ANO2: variants seen among roughly 807,000 people sequenced by gnomAD.
ANO2 encodes the protein anoctamin 2, also known as anoctamin-2.
Under a neutral mutation model 124.2 loss-of-function variants are expected in ANO2, and 101 were observed. The ratio of observed to expected loss-of-function variants is 0.81; its 90% CI spans 0.69 to 0.96. The LOEUF (loss-of-function observed/expected upper bound fraction) is 0.96, where lower values mean the gene tolerates loss of function less well. Ranked by LOEUF, ANO2 falls within the 40% of genes least tolerant of loss-of-function variation. The probability of loss-of-function intolerance (pLI) is 0.00; values close to 1 mark genes in which losing one functional copy is unlikely to be tolerated. For missense variants in ANO2, 1,293 were observed against 1,274.5 expected (o/e 1.01, Z -0.22); for synonymous variants, 486 against 482.5 (o/e 1.01, Z -0.09).
At chr12:5,883,503 GT>G (rs1938656664) in intron 3 of ANO2, among the ~76,000 whole-genome samples, 3 of 8,026 alleles carry the variant, frequency 3.7e-4, no homozygotes, top group East Asian at 2.0e-3. Flanking sequence ...CATTAGGGTG[GT>G]GTGTGTGTGT....
chr12:5,683,593 C>G (rs1948588775), intron 14 of ANO2, among the ~76,000 whole-genome samples: 1 of 152,116 alleles, frequency 6.6e-6, no homozygotes, highest in African/African-American at 2.4e-5. Context: ...CAGTCTCATG[C>G]CACATCACAT....
chr12:5,850,286 C>G (rs899621874), intron 4 of ANO2, among the ~76,000 whole-genome samples: 1 of 151,748 alleles, frequency 6.6e-6, no homozygotes, highest in South Asian at 2.1e-4. Flanking sequence ...CGTGGTGGCG[C>G]GTACTTATAG....
chr12:5,761,333 C>G (rs1222375450), intron 10 of ANO2, among the ~76,000 whole-genome samples: 1 of 152,252 alleles, frequency 6.6e-6, no homozygotes, highest in Non-Finnish European at 1.5e-5. Flanking sequence ...ATATCAACTG[C>G]TATAAAAAGT....
At chr12:5,817,138 A>T (rs531080082) in intron 7 of ANO2, among the ~76,000 whole-genome samples, 1 of 152,346 alleles carries the variant, frequency 6.6e-6, no homozygotes, top group East Asian at 1.9e-4. Flanking sequence ...GCCTTCCAAC[A>T]ACCTGGGGAT....
intron 20 of ANO2, among the ~76,000 whole-genome samples, chr12:5,596,626 C>G (rs1943673503): frequency 1.3e-5 from 2 of 152,092 alleles, no homozygotes; most frequent in Admixed American, 6.6e-5. Flanking sequence ...CCAAGTAAAT[C>G]TTCTAGTTCT....
intron 3 of ANO2, among the ~76,000 whole-genome samples, chr12:5,902,096 TAG>T (rs1354490577): frequency 2.0e-5 from 3 of 152,192 alleles, no homozygotes. Context: ...CAGAGATGTA[TAG>T]AGAGGAAATA....
chr12:5,630,540 T>G (rs946055052), intron 16 of ANO2, among the ~76,000 whole-genome samples: 1 of 152,224 alleles, frequency 6.6e-6, no homozygotes, highest in South Asian at 2.1e-4. Context: ...TAAGATCACA[T>G]CCTTCTGTAG....
chr12:5,810,890 C>A (rs1451611722), intron 7 of ANO2, among the ~76,000 whole-genome samples: 1 of 152,214 alleles, frequency 6.6e-6, no homozygotes, highest in East Asian at 1.9e-4. Context: ...AGGGGCAGGG[C>A]CAAGAAACAT....
intron 10 of ANO2, among the ~76,000 whole-genome samples, chr12:5,790,838 G>C (rs1952675521): frequency 6.6e-6 from 1 of 152,136 alleles, no homozygotes; most frequent in Admixed American, 6.5e-5. Flanking sequence ...AGCAGATCCT[G>C]ATGCAGGGAC....
rs559880167 is a variant in ANO2 at position 5,568,469 on chromosome 12, C to T, written c.2622-2806G>A. Among the ~76,000 whole-genome samples, 16 of 152,264 alleles carry T rather than the reference C, an allele frequency of 1.1e-4. No individual in the cohort carries two copies. The East Asian group carries it at 2.9e-3, about 28-fold the overall frequency. On this transcript the variant is annotated intron_variant, in intron 23 of 24. Coordinates refer to ENST00000682330, the MANE Select transcript of ANO2 (RefSeq NM_001364791.2). ...TTCATAATTCACTAATGAACCATGA[C>T]TCATAGTTTGAAAAACCTTGATTCT...
At chr12:5,821,402 C>T (rs1019354447) in intron 7 of ANO2, among the ~76,000 whole-genome samples, 1 of 152,164 alleles carries the variant, frequency 6.6e-6, no homozygotes, top group African/African-American at 2.4e-5. Context: ...TACTCCGGCC[C>T]GTTTATCAAG....
intron 13 of ANO2, among the ~76,000 whole-genome samples, chr12:5,735,189 G>T (rs1296484261): frequency 6.6e-6 from 1 of 152,140 alleles, no homozygotes; most frequent in African/African-American, 2.4e-5. Context: ...GCCACGGGCA[G>T]ATCAGCCTGA....
rs78194882 is a variant in ANO2, at chr12:5,636,555, A to G, written c.1621-1208T>C. 0.015 allele frequency among the ~76,000 whole-genome samples: 2,205 copies of G among 151,594 alleles called. 48 individuals carry two copies. The highest frequency in any genetic ancestry group is 0.05 in the African/African-American group (2,046 of 41,326). On this transcript the variant is annotated intron_variant, in intron 15 of 24. Transcript: ENST00000682330. This position sits in a 1 kb window ranked among gnomAD's most constrained non-coding sequence, Gnocchi z 4.6. ...GAAGGACTAAATAGAAAACGTAGGG[A>G]GAGAAAACAGCAGGTGGAAGGCTCC...
rs188322748 is a variant in ANO2, at chr12:5,733,717, C to T, written c.1435-1087G>A. 8.6e-4 allele frequency among the ~76,000 whole-genome samples: 131 copies of T among 152,294 alleles called. 2 individuals carry two copies. Among genetic ancestry groups the T allele is most frequent in the Admixed American group, 8.2e-3 (125 of 15,284 alleles). On this transcript the variant is annotated intron_variant, in intron 13 of 24. Coordinates refer to ENST00000682330, the MANE Select transcript of ANO2 (RefSeq NM_001364791.2). ...CAAGCATAACTAAAACAACTGCAGG[C>T]GGTGCCATTCTATCCTCACCCATTC... is the stretch of plus-strand genomic sequence containing the variant.
chr12:5,799,375 A>G lies in ANO2; in HGVS notation c.1055+132T>C, dbSNP rs1205761368. Reference sequence around the variant, plus strand: ...CTTCCCCACCCATGAGACACAGAGGAGTGGATCATAGAAGCTAGAAAAGAA... The same window carrying G: ...CTTCCCCACCCATGAGACACAGAGGGGTGGATCATAGAAGCTAGAAAAGAA... On this transcript the variant is annotated intron_variant, in intron 10 of 24. Coordinates refer to ENST00000682330, the MANE Select transcript of ANO2 (RefSeq NM_001364791.2). The G allele has an allele frequency of 5.0e-5, 39 of 774,464 alleles. No individual in the cohort carries two copies. The East Asian group carries it at 9.7e-4, about 19-fold the overall frequency. The allele number at this position is 774,464 out of a possible 1,614,324, so 48.0% of individuals were successfully genotyped here. A position where few individuals can be genotyped will look rare whatever the true frequency, so the allele number is the denominator to read the frequency against.
chr12:5,873,241 CTCTCTG>C (rs1200578171), intron 3 of ANO2, among the ~76,000 whole-genome samples: 26 of 144,378 alleles, frequency 1.8e-4, no homozygotes, highest in Middle Eastern at 7.2e-3. Flanking sequence ...CTCTCTCTCT[CTCTCTG>C]TCTGTCTCTC....
In ANO2 at chr12:5,612,910, G is replaced by A. The variant is rs1944615973; in HGVS notation, c.1977C>T (p.Arg659=). 6.2e-7 allele frequency: 1 copy of A among 1,613,954 alleles called. No homozygotes were observed. The highest frequency in any genetic ancestry group is 8.5e-7 in the Non-Finnish European group (1 of 1,179,856). Reference sequence around the variant, plus strand: ...CAGTGGCTGTACTTGCCTCTTCCATGCGGTAACCATCGAATACATAGACGT... The same window carrying A: ...CAGTGGCTGTACTTGCCTCTTCCATACGGTAACCATCGAATACATAGACGT... ...GSYVYVFDGY[R]MEECAPGGCL... is the part of the protein sequence containing the mutation. The change falls in exon 18 of 25, where the codon CGC becomes CGT. Residue 659 remains arginine (R), a synonymous_variant. Coordinates refer to ENST00000682330, the MANE Select transcript of ANO2 (RefSeq NM_001364791.2).
intron 17 of ANO2, among the ~76,000 whole-genome samples, chr12:5,613,224 C>T (rs930058693): frequency 6.6e-6 from 1 of 151,986 alleles, no homozygotes; most frequent in Middle Eastern, 3.4e-3. Context: ...GGTGTGTGTG[C>T]GTGTATGTGT....
At chr12:5,788,630 C>G (rs538783007) in intron 10 of ANO2, among the ~76,000 whole-genome samples, 122 of 152,310 alleles carry the variant, frequency 8.0e-4, no homozygotes, top group African/African-American at 2.8e-3. Flanking sequence ...GCGATCTCGG[C>G]TCACTGCAAC....
Sources: gnomAD v4.1 joint callset for allele counts (sites outside exome capture counted in the v4.1 genomes callset) on GRCh38, gnomAD v4.1.1 for gene constraint, Gnocchi (gnomAD v3.1) non-coding constraint, MANE v1.5 for transcripts, NCBI Gene and HGNC (gene_info 2026-07-23, HGNC 2026-07-21) for gene names.